Variants in PPP1R13B observed in about 807,000 individuals in gnomAD.
PPP1R13B encodes the protein apoptosis-stimulating of p53 protein 1.
Under a neutral mutation model 119.8 loss-of-function variants are expected in PPP1R13B, and 44 were observed. The observed-to-expected ratio is 0.37, with a 90% CI of 0.29 to 0.47. The LOEUF is 0.47. Among genes scored for constraint, PPP1R13B ranks in the 20% least tolerant of loss-of-function variants. The probability of loss-of-function intolerance (pLI) is 0.99; values close to 1 mark genes in which losing one functional copy is unlikely to be tolerated. For synonymous variants in PPP1R13B, 542 were observed against 561.5 expected, an observed-to-expected ratio of 0.97 and a Z score of 0.49; for missense variants, 1,227 against 1,413.5, an observed-to-expected ratio of 0.87 and a Z score of 2.12.
intron 4 of PPP1R13B, chr14:103,762,779 T>TGGC: frequency 1.4e-6 from 1 of 724,278 alleles, no homozygotes; most frequent in South Asian, 1.5e-5. Context: ...GGGCAGGTGG[T>TGGC]GGCGGCGGCC....
At chr14:103,789,066 A>C (rs554915955) in intron 2 of PPP1R13B, among the ~76,000 whole-genome samples, 2 of 152,332 alleles carry the variant, frequency 1.3e-5, no homozygotes, top group East Asian at 3.9e-4. Flanking sequence ...TTATAGCAAC[A>C]AACAAGCTCT....
At position 103,807,816 on chromosome 14, in the gene PPP1R13B, G is replaced by T. The variant is rs577512874; in HGVS notation, c.10-10298C>A. The stretch of plus-strand genomic sequence containing the variant: ...GCCACGAAATGTCTTTTTATAGTAG[G>T]TTTCTTGAATCATGACAGGTAGGTG... On this transcript the variant is annotated intron_variant, in intron 1 of 16. Coordinates refer to ENST00000202556, the MANE Select transcript of PPP1R13B (RefSeq NM_015316.3). Among the ~76,000 whole-genome samples, 4 of 152,082 alleles carry T rather than the reference G, an allele frequency of 2.6e-5. No individual in the cohort carries two copies. The East Asian group carries it at 7.7e-4, about 29-fold the overall frequency.
At chr14:103,761,826 T>C (rs569923702) in intron 4 of PPP1R13B, among the ~76,000 whole-genome samples, 1 of 152,330 alleles carries the variant, frequency 6.6e-6, no homozygotes, top group East Asian at 1.9e-4. Context: ...GGAGTGGTAT[T>C]TTGACATTAC....
At chr14:103,747,760 T>C (rs1272168163) in intron 8 of PPP1R13B, among the ~76,000 whole-genome samples, 1 of 152,174 alleles carries the variant, frequency 6.6e-6, no homozygotes, top group East Asian at 1.9e-4. Context: ...GAACATACAA[T>C]GTTTGGTTTT....
At chr14:103,735,896 G>A in intron 16 of PPP1R13B, 107 bp downstream of exon 16, 1 of 1,261,778 alleles carries the variant, frequency 7.9e-7, no homozygotes, top group Admixed American at 2.1e-5. Flanking sequence ...GGGCTGCTGA[G>A]GCTCAGAGAA....
intron 1 of PPP1R13B, among the ~76,000 whole-genome samples, chr14:103,816,396 C>G (rs2086281217): frequency 1.3e-5 from 2 of 150,888 alleles, no homozygotes; most frequent in East Asian, 4.0e-4. Context: ...GAACTCAGGC[C>G]AGGTTTCCGG....
At chr14:103,758,307 T>G (rs2151987716) in intron 4 of PPP1R13B, among the ~76,000 whole-genome samples, 1 of 152,370 alleles carries the variant, frequency 6.6e-6, no homozygotes, top group African/African-American at 2.4e-5. Context: ...TGCAGTTGGC[T>G]GTTTCTCCAT....
chr14:103,775,747 G>A (rs2085172651), intron 4 of PPP1R13B, among the ~76,000 whole-genome samples: 1 of 152,182 alleles, frequency 6.6e-6, no homozygotes, highest in African/African-American at 2.4e-5. Context: ...TCTACCAGTG[G>A]TGTGTGTGCG....
intron 1 of PPP1R13B, among the ~76,000 whole-genome samples, chr14:103,799,911 C>T (rs569007987): frequency 5.8e-4 from 88 of 151,824 alleles, no homozygotes; most frequent in African/African-American, 2.0e-3. Context: ...ATTAGCCAGG[C>T]GCGGTGGCAC....
At chr14:103,791,028 T>G (rs1216846461) in intron 2 of PPP1R13B, among the ~76,000 whole-genome samples, 1 of 152,206 alleles carries the variant, frequency 6.6e-6, no homozygotes, top group Non-Finnish European at 1.5e-5. Context: ...TGATTGTAAT[T>G]TACTGTTCCA....
intron 4 of PPP1R13B, among the ~76,000 whole-genome samples, chr14:103,776,180 G>A (rs1241928062): frequency 9.4e-6 from 1 of 106,098 alleles, no homozygotes; most frequent in South Asian, 3.2e-4. Context: ...GAGGGAGGGA[G>A]GGAGGGAGGA....
chr14:103,798,482 TA>T (rs1258427052), intron 1 of PPP1R13B, among the ~76,000 whole-genome samples: 3 of 151,990 alleles, frequency 2.0e-5, no homozygotes, highest in South Asian at 2.1e-4. Context: ...AAAAACAAGG[TA>T]GGGGAAAACA....
intron 1 of PPP1R13B, among the ~76,000 whole-genome samples, chr14:103,817,906 T>C (rs1437764208): frequency 1.3e-5 from 2 of 151,888 alleles, no homozygotes; most frequent in African/African-American, 2.4e-5. Context: ...TGCTAAAGTT[T>C]ATGAACATTA....
At chr14:103,844,521 T>G (rs551908742) in intron 1 of PPP1R13B, among the ~76,000 whole-genome samples, 1 of 151,956 alleles carries the variant, frequency 6.6e-6, no homozygotes, top group African/African-American at 2.4e-5. Flanking sequence ...CCTGAGGTCA[T>G]GAGTTCAAGG....
intron 7 of PPP1R13B, among the ~76,000 whole-genome samples, chr14:103,750,439 C>T (rs8007670): frequency 0.03 from 4,624 of 152,318 alleles, 208 homozygotes; most frequent in African/African-American, 0.097. Flanking sequence ...AGTGTACTTC[C>T]CATAGTAAGA....
In PPP1R13B at chr14:103,739,947, G is replaced by A. The variant is rs199864652; in HGVS notation, c.2469C>T (p.Asn823=). Residue 823 remains asparagine (N), a synonymous_variant, in exon 12 of 17, where the codon AAC becomes AAT. Coordinates refer to ENST00000202556, the MANE Select transcript of PPP1R13B (RefSeq NM_015316.3). ...TAEPAEDNNN[N]VATVPTTEQI... ...GCTCCGTGGTGGGGACCGTGGCCAC[G>A]TTGTTGTTATTGTCCTCTGCCGGCT... is the stretch of plus-strand genomic sequence containing the variant. The A allele has an allele frequency of 8.5e-4, 1,365 of 1,614,074 alleles. 7 individuals carry two copies. The highest frequency in any genetic ancestry group is 2.2e-3 in the South Asian group (203 of 91,084).
intron 4 of PPP1R13B, among the ~76,000 whole-genome samples, chr14:103,772,430 T>C (rs1160192247): frequency 6.6e-6 from 1 of 152,230 alleles, no homozygotes; most frequent in Non-Finnish European, 1.5e-5. Context: ...TTCCAGATTA[T>C]ACCATTTTAC....
chr14:103,772,726 G>A (rs1195895067), intron 4 of PPP1R13B, among the ~76,000 whole-genome samples: 1 of 150,324 alleles, frequency 6.7e-6, no homozygotes, highest in East Asian at 1.9e-4. Flanking sequence ...AGGCTAGAGT[G>A]CAGTGGCGCG....
intron 9 of PPP1R13B, among the ~76,000 whole-genome samples, chr14:103,744,872 C>T (rs1433973179): frequency 3.9e-5 from 6 of 152,348 alleles, no homozygotes; most frequent in Non-Finnish European, 5.9e-5. Flanking sequence ...ACAGCAGAGG[C>T]TAGGACCAGG....
Sources: allele counts gnomAD v4.1 joint callset (sites outside exome capture counted in the v4.1 genomes callset), GRCh38; gene constraint gnomAD v4.1.1; transcripts MANE v1.5; gene names NCBI Gene and HGNC (gene_info 2026-07-23, HGNC 2026-07-21).